The following IPO8 variants were observed in gnomAD, a reference collection of about 807,000 sequenced individuals.
IPO8 encodes importin-8.
A neutral mutation model predicts 141.2 loss-of-function variants in IPO8; 65 were observed. That is an observed-to-expected ratio of 0.46 (90% CI 0.38 to 0.57). The LOEUF is 0.57. Among genes scored for constraint, IPO8 ranks in the 20% least tolerant of loss-of-function variants. The probability of loss-of-function intolerance (pLI) is 0.00; values close to 1 mark genes in which losing one functional copy is unlikely to be tolerated. For missense variants in IPO8, 980 were observed against 1,246.8 expected (o/e 0.79, Z 3.22); for synonymous variants, 411 against 420.3 (o/e 0.98, Z 0.27).
rs760139613 is a variant in IPO8, at chr12:30,665,967, A to C, written c.1222-122T>G. The C allele has an allele frequency of 5.8e-6, 4 of 694,654 alleles. No individual in the cohort carries two copies. In the East Asian group the frequency reaches 1.1e-4, roughly 19 times the overall value. The allele number at this position is 694,654 out of a possible 1,614,324, so 43.0% of individuals were successfully genotyped here. ...TTATTATGTTTTATCAAGCAACTAT[A>C]AGCTCAATAAGAAAAGTATAATTTA... On this transcript the variant is annotated intron_variant, in intron 11 of 24. Transcript: ENST00000256079.
chr12:30,674,493 A>T (rs2053092502), intron 7 of IPO8, among the ~76,000 whole-genome samples, 166 bp downstream of exon 7: 1 of 152,154 alleles, frequency 6.6e-6, no homozygotes, highest in Non-Finnish European at 1.5e-5. Flanking sequence ...AATAGAAAAG[A>T]TCCAGAGAAG....
chr12:30,681,007 G>A (rs1174127697), intron 4 of IPO8, among the ~76,000 whole-genome samples: 1 of 152,030 alleles, frequency 6.6e-6, no homozygotes, highest in African/African-American at 2.4e-5. Context: ...ATAATATGGG[G>A]GGAATTTTCT....
At chr12:30,675,810 C>T (rs896274223) in intron 6 of IPO8, among the ~76,000 whole-genome samples, 1 of 148,454 alleles carries the variant, frequency 6.7e-6, no homozygotes, top group Admixed American at 6.7e-5. Context: ...TGCCACTGCA[C>T]TCCAGCCTGG....
intron 23 of IPO8, 48 bp downstream of exon 23, chr12:30,634,035 G>C (rs746051925): frequency 6.6e-7 from 1 of 1,514,542 alleles, no homozygotes; most frequent in Admixed American, 1.8e-5. Flanking sequence ...AATGAAGAAA[G>C]AGTTTAGAAA....
intron 23 of IPO8, among the ~76,000 whole-genome samples, chr12:30,632,472 A>C (rs191805092): frequency 2.6e-5 from 4 of 152,256 alleles, no homozygotes; most frequent in Admixed American, 2.0e-4. Context: ...CAACACAACT[A>C]AAACCAAATT....
intron 16 of IPO8, among the ~76,000 whole-genome samples, chr12:30,659,772 G>A (rs1394907112): frequency 1.4e-5 from 2 of 145,066 alleles, no homozygotes; most frequent in African/African-American, 2.5e-5. Context: ...GGAGAATGGC[G>A]TGAATCCAGG....
At chr12:30,659,446 C>T (rs1450516963) in intron 16 of IPO8, among the ~76,000 whole-genome samples, 5 of 150,508 alleles carry the variant, frequency 3.3e-5, no homozygotes, top group Admixed American at 6.6e-5. Context: ...CACTGCACTC[C>T]GGCCTGGGCA....
intron 20 of IPO8, among the ~76,000 whole-genome samples, chr12:30,644,503 AT>A (rs1198905881): frequency 6.6e-6 from 1 of 152,082 alleles, no homozygotes; most frequent in African/African-American, 2.4e-5. Context: ...AATAATGAAG[AT>A]TTTGGTGGTA....
At chr12:30,634,027 TGAA>T in intron 23 of IPO8, 53 bp downstream of exon 23, 1 of 1,485,166 alleles carries the variant, frequency 6.7e-7, no homozygotes, top group Non-Finnish European at 9.3e-7. Context: ...CAGGAAGAAA[TGAA>T]GAAAGAGTTT....
chr12:30,665,031 C>T (rs1168760712), intron 13 of IPO8, among the ~76,000 whole-genome samples, 189 bp downstream of exon 13: 9 of 152,184 alleles, frequency 5.9e-5, no homozygotes, highest in Non-Finnish European at 1.2e-4. Context: ...TGAGCCACTG[C>T]GCCCAGCCTA....
In IPO8 at chr12:30,674,699, T is replaced by TA; in HGVS notation, c.783dup (p.Lys262Ter). 1 of 1,613,872 alleles carries TA rather than the reference T, an allele frequency of 6.2e-7. No individual in the cohort carries two copies. The highest frequency in any genetic ancestry group is 8.5e-7 in the Non-Finnish European group (1 of 1,179,806). ...GCTACAATATGCAGTGCCCACTTCTTACACTTCCACCATACCAGTTCTGGT... is the reference window on the plus strand; with the variant it reads ...GCTACAATATGCAGTGCCCACTTCTTAACACTTCCACCATACCAGTTCTGGT... On this transcript the variant is annotated frameshift_variant, in exon 7 of 25. Coordinates refer to ENST00000256079, the MANE Select transcript of IPO8 (RefSeq NM_006390.4). LOFTEE classifies it high-confidence loss of function.
At chr12:30,655,498 T>C (rs538393691) in intron 17 of IPO8, among the ~76,000 whole-genome samples, 2 of 152,216 alleles carry the variant, frequency 1.3e-5, no homozygotes, top group Non-Finnish European at 2.9e-5. Flanking sequence ...AAGTATATAA[T>C]ACATGGTTAC....
intron 21 of IPO8, among the ~76,000 whole-genome samples, chr12:30,638,962 C>T (rs2052541055): frequency 1.3e-5 from 2 of 152,094 alleles, no homozygotes; most frequent in Admixed American, 6.6e-5. Context: ...GGAGCCACCG[C>T]GCCCGGCCTC....
rs2052747702 is a variant in IPO8 at position 30,652,890 on chromosome 12, T to G, written c.2074+77A>C. 8 of 1,240,752 alleles carry G rather than the reference T, an allele frequency of 6.4e-6. No homozygotes were observed. In the South Asian group the frequency reaches 1.1e-4, roughly 17 times the overall value. The allele number at this position is 1,240,752 out of a possible 1,614,324, so 76.9% of individuals were successfully genotyped here. A position where few individuals can be genotyped will look rare whatever the true frequency, so the allele number is the denominator to read the frequency against. On this transcript the variant is annotated intron_variant, in intron 18 of 24. Transcript: ENST00000256079. ...TTCTGATCAATATTGGAATCATATG[T>G]GTTTTTATTTCAGGTGTCAACAGGA...
chr12:30,695,468 G>A lies in IPO8; in HGVS notation c.84+96C>T, dbSNP rs2053329748. ...CGTGAGGCGTCAGCCCCAGCCCGGTGGGGGTGAGGACGAGGGGCGCCGGGG... is the reference window on the plus strand; with the variant it reads ...CGTGAGGCGTCAGCCCCAGCCCGGTAGGGGTGAGGACGAGGGGCGCCGGGG... On this transcript the variant is annotated intron_variant, in intron 1 of 24. Transcript: ENST00000256079. The surrounding 1 kb of genome is among the most constrained non-coding windows in gnomAD (Gnocchi z 4.2). 9.3e-7 allele frequency: 1 copy of A among 1,079,256 alleles called. No homozygotes were observed. The highest frequency in any genetic ancestry group is 1.4e-6 in the Non-Finnish European group (1 of 716,316). The allele number at this position is 1,079,256 out of a possible 1,614,324, so 66.9% of individuals were successfully genotyped here.
intron 3 of IPO8, among the ~76,000 whole-genome samples, chr12:30,682,156 T>C (rs955555833): frequency 6.6e-6 from 1 of 152,188 alleles, no homozygotes; most frequent in Non-Finnish European, 1.5e-5. Flanking sequence ...TTATATCTCA[T>C]ATTTTGGTTA....
chr12:30,645,372 CAAA>C (rs776070329), intron 20 of IPO8, among the ~76,000 whole-genome samples: 6 of 99,122 alleles, frequency 6.1e-5, no homozygotes, highest in Admixed American at 1.1e-4. Flanking sequence ...GACTTCATCT[CAAA>C]AAAAAAAAAA....
intron 8 of IPO8, among the ~76,000 whole-genome samples, chr12:30,672,467 GGAGA>G (rs2053065093): frequency 6.6e-6 from 1 of 152,152 alleles, no homozygotes; most frequent in Non-Finnish European, 1.5e-5. Context: ...CAACAGTGGG[GGAGA>G]GAAGAGTCCC....
intron 2 of IPO8, among the ~76,000 whole-genome samples, chr12:30,690,058 T>A (rs2053276967): frequency 6.6e-6 from 1 of 152,356 alleles, no homozygotes; most frequent in Admixed American, 6.5e-5. Flanking sequence ...AACATAGTCC[T>A]GCTCCGCAGT....
Sources: allele counts gnomAD v4.1 joint callset (sites outside exome capture counted in the v4.1 genomes callset), GRCh38; gene constraint gnomAD v4.1.1; non-coding constraint Gnocchi (gnomAD v3.1); transcripts MANE v1.5; gene names NCBI Gene and HGNC (gene_info 2026-07-23, HGNC 2026-07-21).